PPP2R5E: variants seen among roughly 807,000 people sequenced by gnomAD.
PPP2R5E encodes the protein protein phosphatase 2 regulatory subunit B'epsilon, also known as serine/threonine-protein phosphatase 2A 56 kDa regulatory subunit epsilon isoform.
PPP2R5E carries 4 observed loss-of-function variants against 65.3 expected under a neutral mutation model. The ratio of observed to expected loss-of-function variants is 0.06; its 90% CI spans 0.03 to 0.14. The LOEUF (loss-of-function observed/expected upper bound fraction) is 0.14. PPP2R5E is among the 10% of genes least tolerant of loss of function. The pLI is 1.00. For synonymous variants in PPP2R5E, 183 were observed against 187.4 expected (o/e 0.98, Z 0.19); for missense variants, 274 against 556.1 (o/e 0.49, Z 5.10).
At chr14:63,502,577 G>A (rs992963508) in intron 2 of PPP2R5E, among the ~76,000 whole-genome samples, 1 of 152,048 alleles carries the variant, frequency 6.6e-6, no homozygotes, top group African/African-American at 2.4e-5. Context: ...TGAGGCAGGA[G>A]AATTGCTTGA....
chr14:63,502,154 C>T (rs1341041480), intron 2 of PPP2R5E, among the ~76,000 whole-genome samples: 1 of 152,158 alleles, frequency 6.6e-6, no homozygotes, highest in Non-Finnish European at 1.5e-5. Flanking sequence ...CCTGGTCTCC[C>T]AAAGTGGTGG....
chr14:63,415,078 G>C, intron 5 of PPP2R5E, 62 bp downstream of exon 5: 2 of 1,220,224 alleles, frequency 1.6e-6, no homozygotes, highest in Non-Finnish European at 2.4e-6. Context: ...CAAACATGAA[G>C]AGAAAATGAG....
chr14:63,381,677 C>A (rs1018074561), intron 13 of PPP2R5E, among the ~76,000 whole-genome samples: 1 of 152,088 alleles, frequency 6.6e-6, no homozygotes, highest in Non-Finnish European at 1.5e-5. Context: ...CAACACAGAC[C>A]ACATATACCA....
At chr14:63,396,558 C>G (rs749976246) in intron 6 of PPP2R5E, 28 bp downstream of exon 6, 1 of 1,607,786 alleles carries the variant, frequency 6.2e-7, no homozygotes, top group South Asian at 1.1e-5. Flanking sequence ...CTTTGCTTCT[C>G]CTTCTTCCCC....
intron 2 of PPP2R5E, among the ~76,000 whole-genome samples, chr14:63,464,716 T>C (rs1889688661): frequency 6.6e-6 from 1 of 152,144 alleles, no homozygotes; most frequent in Non-Finnish European, 1.5e-5. Flanking sequence ...TTTCCTTGCA[T>C]GTAAAATTAA....
In PPP2R5E at chr14:63,381,533, C is replaced by G. The variant is rs926010027; in HGVS notation, c.1304+523G>C. On this transcript the variant is annotated intron_variant, in intron 13 of 13. Coordinates refer to ENST00000337537, the MANE Select transcript of PPP2R5E (RefSeq NM_006246.5). The stretch of plus-strand genomic sequence containing the variant: ...ATATTATTAAAGAAAGGAAAGAAAG[C>G]GGGCTTTATCAAAATGAGTGTCAGG... Among the ~76,000 whole-genome samples the G allele has an allele frequency of 2.2e-4, 6 of 27,042 alleles. No homozygotes were observed. In the Admixed American group the frequency reaches 3.2e-3, roughly 14 times the overall value. The allele number at this position is 27,042 out of a possible 152,430, so 17.7% of individuals were successfully genotyped here.
At chr14:63,505,141 C>T (rs529997289) in intron 2 of PPP2R5E, among the ~76,000 whole-genome samples, 1 of 152,162 alleles carries the variant, frequency 6.6e-6, no homozygotes, top group Non-Finnish European at 1.5e-5. Context: ...TCCAGACCAG[C>T]CTGGCCAACA....
intron 5 of PPP2R5E, among the ~76,000 whole-genome samples, chr14:63,412,760 G>A (rs1356453541): frequency 6.6e-6 from 1 of 152,190 alleles, no homozygotes; most frequent in African/African-American, 2.4e-5. Context: ...TGAATGAAGA[G>A]GGGTAGCCAA....
At chr14:63,382,216 T>C in intron 12 of PPP2R5E, 59 bp from the exon 13 acceptor site, 1 of 1,353,210 alleles carries the variant, frequency 7.4e-7, no homozygotes, top group Non-Finnish European at 1.0e-6. Context: ...GGATACTGAA[T>C]GAAGAAAGCA....
chr14:63,399,080 A>T (rs1885583020), intron 5 of PPP2R5E, among the ~76,000 whole-genome samples: 1 of 152,210 alleles, frequency 6.6e-6, no homozygotes, highest in African/African-American at 2.4e-5. Context: ...TGTTCATGGG[A>T]GCAATATTCA....
intron 6 of PPP2R5E, among the ~76,000 whole-genome samples, chr14:63,395,880 AG>A (rs1276809737): frequency 2.5e-3 from 3 of 1,180 alleles, no homozygotes; most frequent in South Asian, 0.1. Context: ...GGAGAGGAGA[AG>A]GGGGGAAGAG....
At chr14:63,424,125 T>C (rs1887196028) in intron 3 of PPP2R5E, among the ~76,000 whole-genome samples, 2 of 152,164 alleles carry the variant, frequency 1.3e-5, no homozygotes, top group African/African-American at 2.4e-5. Context: ...AATAGACTGA[T>C]TCAAAAAGGT....
At position 63,372,269 on chromosome 14, in the gene PPP2R5E, T is replaced by G. The variant is rs1883729102; in HGVS notation, c.*3740A>C. On this transcript the variant is annotated 3_prime_UTR_variant, in exon 14 of 14. Coordinates refer to ENST00000337537, the MANE Select transcript of PPP2R5E (RefSeq NM_006246.5). Reference sequence around the variant, plus strand: ...CAATTTGCTCAACTTTCTCTCAAGATGCACAATCCTTCTTTTAGGTTTTCA... The same window carrying G: ...CAATTTGCTCAACTTTCTCTCAAGAGGCACAATCCTTCTTTTAGGTTTTCA... The G allele has an allele frequency of 6.6e-6, 1 of 152,162 alleles. No homozygotes were observed. Among genetic ancestry groups the G allele is most frequent in the African/African-American group, 2.4e-5 (1 of 41,444 alleles). 9.4% of individuals were successfully genotyped at this position (152,162 alleles called of 1,614,324 possible). A position where few individuals can be genotyped will look rare whatever the true frequency, so the allele number is the denominator to read the frequency against.
rs1225951058 is a variant in PPP2R5E at position 63,500,852 on chromosome 14, G to A, written c.157+38677C>T. Among the ~76,000 whole-genome samples, 5 of 151,740 alleles carry A rather than the reference G, an allele frequency of 3.3e-5. No individual in the cohort carries two copies. In the East Asian group the frequency reaches 7.8e-4, roughly 24 times the overall value. ...CTACACAATCAGCCTGGGTGACAGA[G>A]TGAGACCGCATCTCTAAAAAAAAAA... On this transcript the variant is annotated intron_variant, in intron 2 of 13. Transcript: ENST00000337537.
chr14:63,426,636 A>G (rs1200413777), intron 3 of PPP2R5E, among the ~76,000 whole-genome samples: 1 of 150,940 alleles, frequency 6.6e-6, no homozygotes, highest in African/African-American at 2.4e-5. Context: ...ACTTGTTTAT[A>G]TAAGACTACT....
At chr14:63,421,506 T>C (rs1887021551) in intron 4 of PPP2R5E, among the ~76,000 whole-genome samples, 1 of 152,240 alleles carries the variant, frequency 6.6e-6, no homozygotes, top group African/African-American at 2.4e-5. Flanking sequence ...TCTCAGCTGT[T>C]ACTCTTCCTT....
chr14:63,443,424 T>C (rs1888332344), intron 3 of PPP2R5E, among the ~76,000 whole-genome samples: 1 of 152,202 alleles, frequency 6.6e-6, no homozygotes, highest in South Asian at 2.1e-4. Flanking sequence ...GAACACTTTT[T>C]GTAGGAGAGA....
chr14:63,399,370 T>C (rs866600439), intron 5 of PPP2R5E, among the ~76,000 whole-genome samples: 20 of 75,946 alleles, frequency 2.6e-4, no homozygotes, highest in Admixed American at 4.0e-4. Context: ...TTCTTTCTTT[T>C]TTTTTTTTTT....
intron 1 of PPP2R5E, among the ~76,000 whole-genome samples, chr14:63,542,354 G>A (rs945843789): frequency 6.6e-6 from 1 of 152,098 alleles, no homozygotes; most frequent in Non-Finnish European, 1.5e-5. Flanking sequence ...TAATCCAAAG[G>A]GGGTAAGGGG....
Sources: gnomAD v4.1 joint callset for allele counts (sites outside exome capture counted in the v4.1 genomes callset) on GRCh38, gnomAD v4.1.1 for gene constraint, MANE v1.5 for transcripts, NCBI Gene and HGNC (gene_info 2026-07-23, HGNC 2026-07-21) for gene names.